The following CCDC88A variants were observed in gnomAD, a reference collection of about 807,000 sequenced individuals.
CCDC88A encodes girdin.
A neutral mutation model predicts 234.3 loss-of-function variants in CCDC88A; 54 were observed. That is an observed-to-expected ratio of 0.23 (90% CI 0.19 to 0.29). The LOEUF (loss-of-function observed/expected upper bound fraction) is 0.29, where lower values mean the gene tolerates loss of function less well. Among genes scored for constraint, CCDC88A ranks in the 10% least tolerant of loss-of-function variants. The pLI, the probability that CCDC88A is intolerant of heterozygous loss-of-function variation, is 1.00. For synonymous variants in CCDC88A, 753 were observed against 737.8 expected (o/e 1.02, Z -0.33); for missense variants, 1,832 against 2,123.4 (o/e 0.86, Z 2.70).
chr2:55,297,383 AT>A (rs1283580222), intron 29 of CCDC88A, among the ~76,000 whole-genome samples: 1 of 110,710 alleles, frequency 9.0e-6, no homozygotes, highest in Non-Finnish European at 1.7e-5. Context: ...TTATATATAA[AT>A]ATATATTATA....
chr2:55,374,697 G>A (rs1369728850), intron 4 of CCDC88A, 117 bp downstream of exon 4: 6 of 550,594 alleles, frequency 1.1e-5, no homozygotes, highest in South Asian at 6.9e-5. Context: ...CACCTCCAAC[G>A]TCTACAGTTG....
At chr2:55,412,512 C>T (rs779869251) in intron 2 of CCDC88A, among the ~76,000 whole-genome samples, 17 of 152,158 alleles carry the variant, frequency 1.1e-4, no homozygotes, top group African/African-American at 4.1e-4. Context: ...CTCACAGGAC[C>T]ACAAACCCTA....
In CCDC88A at chr2:55,341,737, C is replaced by A. The variant is rs146492514; in HGVS notation, c.1333+1911G>T. Among the ~76,000 whole-genome samples the A allele has an allele frequency of 6.8e-3, 1,041 of 152,284 alleles. 6 individuals carry two copies. The highest frequency in any genetic ancestry group is 0.012 in the Non-Finnish European group (813 of 68,022). ...GGATTACAGGTGTGAGCCACTGCAC[C>A]TGGCCAGAATTTCATTCTTTTTATG... On this transcript the variant is annotated intron_variant, in intron 12 of 32. Transcript: ENST00000436346.
intron 2 of CCDC88A, among the ~76,000 whole-genome samples, chr2:55,408,628 G>A (rs1282803570): frequency 6.6e-6 from 1 of 152,140 alleles, no homozygotes. Context: ...CTAAAAAGGG[G>A]AGGCATGAAT....
At chr2:55,388,453 A>AGGC (rs1676072441) in intron 3 of CCDC88A, 1 of 157,860 alleles carries the variant, frequency 6.3e-6, no homozygotes, top group Non-Finnish European at 1.4e-5. Flanking sequence ...TTTTTTTAAA[A>AGGC]AAAATGGAAG....
intron 18 of CCDC88A, among the ~76,000 whole-genome samples, chr2:55,319,535 T>C (rs1422999677): frequency 3.9e-5 from 6 of 152,196 alleles, no homozygotes; most frequent in African/African-American, 1.4e-4. Context: ...CCATTTTTTG[T>C]TTCCATTTTG....
In CCDC88A at chr2:55,328,237, G is replaced by A; in HGVS notation, c.2997+57C>T. 1 of 1,228,854 alleles carries A rather than the reference G, an allele frequency of 8.1e-7. No homozygotes were observed. Among genetic ancestry groups the A allele is most frequent in the Non-Finnish European group, 1.1e-6 (1 of 885,440 alleles). 76.1% of individuals were successfully genotyped at this position (1,228,854 alleles called of 1,614,324 possible). ...TTTATTTTCTACTTTATATTTTTCT[G>A]TCCAAATATTTATATAATAAATGAT... On this transcript the variant is annotated intron_variant, in intron 17 of 32. Coordinates refer to ENST00000436346, the MANE Select transcript of CCDC88A (RefSeq NM_001365480.1). This position sits in a 1 kb window ranked among gnomAD's most constrained non-coding sequence, Gnocchi z 4.3.
chr2:55,354,406 C>A (rs1435393626), intron 8 of CCDC88A, among the ~76,000 whole-genome samples: 1 of 152,028 alleles, frequency 6.6e-6, no homozygotes, highest in Non-Finnish European at 1.5e-5. Flanking sequence ...GTTGGGATTA[C>A]AGGCATGAGC....
rs757289917 is a variant in CCDC88A, at chr2:55,295,776, C to T, written c.5372G>A (p.Arg1791Gln). The T allele has an allele frequency of 4.3e-6, 7 of 1,614,040 alleles. No homozygotes were observed. The highest frequency in any genetic ancestry group is 3.3e-5 in the Admixed American group (2 of 59,992). The change falls in exon 31 of 33, where the codon CGA becomes CAA. Residue 1791 changes from arginine (R) to glutamine (Q), a missense_variant. Arg to Gln is a conservative substitution (Grantham distance 43). This residue lies in a region of CCDC88A where 422 missense variants were observed against 416.5 expected (regional missense o/e 1.01). Transcript: ENST00000436346. Reference sequence around the variant, plus strand: ...ATAAGGGTTACTATCTTTTGATTGTCGTGACAGAGAAGATTCTTTTACTAA... The same window carrying T: ...ATAAGGGTTACTATCTTTTGATTGTTGTGACAGAGAAGATTCTTTTACTAA... ...IKLVKESSLS[R>Q]QSKDSNPYAT...
chr2:55,345,218 AGTCCTATTGG>A (rs1668952367), intron 10 of CCDC88A: 1 of 152,164 alleles, frequency 6.6e-6, no homozygotes, highest in African/African-American at 2.4e-5. Flanking sequence ...TTATCTCTAC[AGTCCTATTGG>A]GTCTACTTAC....
At chr2:55,384,810 C>T (rs1380688397) in intron 3 of CCDC88A, among the ~76,000 whole-genome samples, 1 of 151,594 alleles carries the variant, frequency 6.6e-6, no homozygotes, top group Non-Finnish European at 1.5e-5. Context: ...GCACGCACCA[C>T]CACACCTGGC....
intron 3 of CCDC88A, among the ~76,000 whole-genome samples, chr2:55,385,896 CA>C: frequency 1.1e-5 from 1 of 90,650 alleles, no homozygotes; most frequent in East Asian, 3.3e-4. Flanking sequence ...GCTTAAGTAA[CA>C]AAAATTAGAG....
At chr2:55,353,774 A>G (rs1326509153) in intron 8 of CCDC88A, among the ~76,000 whole-genome samples, 1 of 152,122 alleles carries the variant, frequency 6.6e-6, no homozygotes, top group African/African-American at 2.4e-5. Flanking sequence ...AGGAATGCCT[A>G]TGTAACATTT....
At chr2:55,384,501 T>C (rs1307774442) in intron 3 of CCDC88A, among the ~76,000 whole-genome samples, 5 of 101,722 alleles carry the variant, frequency 4.9e-5, no homozygotes, top group Non-Finnish European at 5.8e-5. Context: ...TAATTATATA[T>C]TGAATATTAT....
chr2:55,366,562 C>T (rs958875580), intron 5 of CCDC88A, among the ~76,000 whole-genome samples: 1 of 151,200 alleles, frequency 6.6e-6, no homozygotes, highest in Non-Finnish European at 1.5e-5. Context: ...CACACACACA[C>T]ACACACACAC....
In CCDC88A at chr2:55,295,851, A is replaced by T; in HGVS notation, c.5297T>A (p.Phe1766Tyr). The T allele has an allele frequency of 6.2e-7, 1 of 1,614,086 alleles. No individual in the cohort carries two copies. The highest frequency in any genetic ancestry group is 2.2e-5 in the East Asian group (1 of 44,872). The change falls in exon 31 of 33, where the codon TTC (phenylalanine) becomes TAC (tyrosine). Residue 1766 changes from phenylalanine (F) to tyrosine (Y), a missense_variant. Physicochemically the swap from Phe to Tyr is conservative, Grantham distance 22. Around this residue, in one of 6 missense-constraint regions of CCDC88A, gnomAD observed 422 missense variants for 416.5 expected, o/e 1.01. Coordinates refer to ENST00000436346, the MANE Select transcript of CCDC88A (RefSeq NM_001365480.1). Reference protein sequence around the residue: ...PGPRKTEDTYFISSAGKPTPG... With the variant: ...PGPRKTEDTYYISSAGKPTPG... ...TGTAGGTTTTCCCGCAGAACTAATG[A>T]AGTAGGTATCTTCAGTTTTTCGAGG...
intron 13 of CCDC88A, chr2:55,339,055 C>CCA (rs1303498993): frequency 6.5e-6 from 1 of 154,302 alleles, no homozygotes; most frequent in Non-Finnish European, 1.4e-5. Context: ...CTCCCGGGTT[C>CCA]GAGAGAGATT....
At chr2:55,380,108 C>T (rs1237711544) in intron 3 of CCDC88A, among the ~76,000 whole-genome samples, 1 of 144,826 alleles carries the variant, frequency 6.9e-6, no homozygotes, top group Admixed American at 7.1e-5. Context: ...TGCTGGCACA[C>T]ACCTGTCATC....
intron 3 of CCDC88A, among the ~76,000 whole-genome samples, chr2:55,376,997 AT>A (rs1183836603): frequency 4.0e-5 from 6 of 151,262 alleles, no homozygotes; most frequent in African/African-American, 1.2e-4. Flanking sequence ...TGCCTGGCTA[AT>A]TTTTTTTGTA....
Sources: allele counts gnomAD v4.1 joint callset (sites outside exome capture counted in the v4.1 genomes callset), GRCh38; gene constraint gnomAD v4.1.1; regional missense constraint gnomAD v4.1.1; non-coding constraint Gnocchi (gnomAD v3.1); transcripts MANE v1.5; gene names NCBI Gene and HGNC (gene_info 2026-07-23, HGNC 2026-07-21).